The following ADAMTS14 variants were observed in gnomAD, a reference collection of about 807,000 sequenced individuals.
The protein encoded by ADAMTS14 is ADAM metallopeptidase with thrombospondin type 1 motif 14, also known as A disintegrin and metalloproteinase with thrombospondin motifs 14.
In ADAMTS14, 100 loss-of-function variants were observed where a neutral mutation model predicts 128.6. The ratio of observed to expected loss-of-function variants is 0.78; its 90% confidence interval spans 0.66 to 0.92. The LOEUF (loss-of-function observed/expected upper bound fraction) is 0.92, where lower values mean the gene tolerates loss of function less well. ADAMTS14 is among the 40% of genes least tolerant of loss of function. The pLI is 0.00. For synonymous variants in ADAMTS14, 665 were observed against 653.8 expected (o/e 1.02, Z -0.26); for missense variants, 1,562 against 1,658.6 (o/e 0.94, Z 1.01).
chr10:70,687,287 T>C (rs78907115), intron 2 of ADAMTS14, among the ~76,000 whole-genome samples: 1 of 98,850 alleles, frequency 1.0e-5, no homozygotes, highest in Non-Finnish European at 2.2e-5. Flanking sequence ...GGCGTGGGGC[T>C]GACACCCCCA....
chr10:70,688,892 G>C lies in ADAMTS14; in HGVS notation c.523-13420G>C, dbSNP rs777962779. On this transcript the variant is annotated intron_variant, in intron 2 of 21. Transcript: ENST00000373207. ...GGGAGGGGGAGGGGGAGGGGGAGGG[G>C]GAGGGAGAGGGAGAGCCTTTGCTTT... Among the ~76,000 whole-genome samples the C allele has an allele frequency of 3.1e-4, 2 of 6,482 alleles. 1 individual carries two copies. The highest frequency in any genetic ancestry group is 6.6e-4 in the Non-Finnish European group (2 of 3,020). The allele number at this position is 6,482 out of a possible 152,430, so 4.3% of individuals were successfully genotyped here. A position where few individuals can be genotyped will look rare whatever the true frequency, so the allele number is the denominator to read the frequency against.
rs1241621831 is a variant in ADAMTS14, at chr10:70,672,720, C to T, written c.-83C>T. The T allele has an allele frequency of 2.2e-6, 3 of 1,378,660 alleles. No individual in the cohort carries two copies. Among genetic ancestry groups the T allele is most frequent in the East Asian group, 6.2e-5 (2 of 32,246 alleles). 85.4% of individuals were successfully genotyped at this position (1,378,660 alleles called of 1,614,324 possible). A position where few individuals can be genotyped will look rare whatever the true frequency, so the allele number is the denominator to read the frequency against. On this transcript the variant is annotated 5_prime_UTR_variant, in exon 1 of 22. Transcript: ENST00000373207. ...GGCAGCCAGCCGGTGCTCCGACAGC[C>T]CGGGGCGCACCCTAGCCTCGCCGCC...
chr10:70,682,668 G>T (rs1839845478), intron 2 of ADAMTS14, among the ~76,000 whole-genome samples: 1 of 152,194 alleles, frequency 6.6e-6, no homozygotes, highest in African/African-American at 2.4e-5. Flanking sequence ...CTGGTTGGTT[G>T]AGTCTACCAG....
intron 15 of ADAMTS14, among the ~76,000 whole-genome samples, chr10:70,747,262 A>G (rs1315741430): frequency 6.6e-6 from 1 of 152,132 alleles, no homozygotes; most frequent in African/African-American, 2.4e-5. Flanking sequence ...GGGGAAACTG[A>G]AACCCAAAGT....
Position 70,753,660 on chromosome 10 carries a change from A to T in ADAMTS14, c.2730-140A>T, listed in dbSNP as rs1277907596. On this transcript the variant is annotated intron_variant, in intron 18 of 21. Coordinates refer to ENST00000373207, the MANE Select transcript of ADAMTS14 (RefSeq NM_080722.4). The stretch of plus-strand genomic sequence containing the variant: ...ACCCAGTAGCTGCAGAGCCAGGTGG[A>T]CAGTTGTCCTAGGCCTCAAACATTC... 3 of 838,240 alleles carry T rather than the reference A, an allele frequency of 3.6e-6. No individual in the cohort carries two copies. In the Admixed American group the frequency reaches 9.0e-5, roughly 25 times the overall value. 51.9% of individuals were successfully genotyped at this position (838,240 alleles called of 1,614,324 possible). A position where few individuals can be genotyped will look rare whatever the true frequency, so the allele number is the denominator to read the frequency against.
intron 3 of ADAMTS14, among the ~76,000 whole-genome samples, chr10:70,705,044 C>CTCATGCT (rs1381926333): frequency 6.6e-6 from 1 of 152,204 alleles, no homozygotes; most frequent in Non-Finnish European, 1.5e-5. Context: ...CTCAAACACA[C>CTCATGCT]TCATACACAC....
In ADAMTS14 at chr10:70,738,986, C is replaced by G. The variant is rs1841914444; in HGVS notation, c.1744C>G (p.Pro582Ala). 1.2e-6 allele frequency: 2 copies of G among 1,607,206 alleles called. No individual in the cohort carries two copies. The highest frequency in any genetic ancestry group is 1.7e-6 in the Non-Finnish European group (2 of 1,176,390). The change falls in exon 11 of 22, where the codon CCC becomes GCC. Residue 582 changes from proline (P) to alanine (A), a missense_variant. Pro to Ala is a conservative substitution (Grantham distance 27). Coordinates refer to ENST00000373207, the MANE Select transcript of ADAMTS14 (RefSeq NM_080722.4). The part of the protein sequence containing the change: ...VRSRSRSCNN[P>A]SPAYGGRLCL... ...ATCCCGCAGCCGGAGCTGCAACAAC[C>G]CCTCGTGAGTGTGCTTGGCTAGGGT...
At chr10:70,739,198 C>G (rs74139901) in intron 11 of ADAMTS14, among the ~76,000 whole-genome samples, 1 of 152,092 alleles carries the variant, frequency 6.6e-6, no homozygotes, top group African/African-American at 2.4e-5. Context: ...GCCTTCTGTG[C>G]GTTTGTCTGA....
chr10:70,718,571 T>C (rs142039571), intron 4 of ADAMTS14, among the ~76,000 whole-genome samples: 1 of 151,744 alleles, frequency 6.6e-6, no homozygotes, highest in South Asian at 2.1e-4. Context: ...TTTTTAGTAG[T>C]GATGGGGATT....
intron 17 of ADAMTS14, 93 bp downstream of exon 17, chr10:70,751,739 G>A: frequency 6.8e-7 from 1 of 1,478,626 alleles, no homozygotes; most frequent in Non-Finnish European, 9.3e-7. Context: ...TCCATTTGAT[G>A]TGTCCTTGCT....
chr10:70,712,726 C>CGATAA (rs1840900888), intron 4 of ADAMTS14, among the ~76,000 whole-genome samples: 1 of 152,132 alleles, frequency 6.6e-6, no homozygotes, highest in African/African-American at 2.4e-5. Flanking sequence ...CATCCGATTC[C>CGATAA]GATAAGGGGG....
At chr10:70,728,657 G>A (rs2587479) in intron 4 of ADAMTS14, among the ~76,000 whole-genome samples, 152,349 of 152,392 alleles carry the variant, frequency 1, 76,153 homozygotes, top group Middle Eastern at 1. Context: ...GAGAAAAAGG[G>A]ATTATCTAGA....
chr10:70,697,043 C>A (rs1036765678), intron 2 of ADAMTS14, among the ~76,000 whole-genome samples: 1 of 152,106 alleles, frequency 6.6e-6, no homozygotes, highest in Non-Finnish European at 1.5e-5. Context: ...CAAGGGGTGT[C>A]GGTGGAAATA....
intron 2 of ADAMTS14, among the ~76,000 whole-genome samples, chr10:70,684,219 A>T (rs769911340): frequency 6.6e-6 from 1 of 152,088 alleles, no homozygotes; most frequent in Non-Finnish European, 1.5e-5. Flanking sequence ...CAGTGCCAAG[A>T]AGATAGTGCT....
rs574438450 is a variant in ADAMTS14 at position 70,713,045 on chromosome 10, G to A, written c.870+4267G>A. Among the ~76,000 whole-genome samples, 229 of 152,304 alleles carry A rather than the reference G, an allele frequency of 1.5e-3. 1 individual carries two copies. The highest frequency in any genetic ancestry group is 5.2e-3 in the African/African-American group (217 of 41,554). On this transcript the variant is annotated intron_variant, in intron 4 of 21. Transcript: ENST00000373207. ...GTGCCCAGGGCAGTGGCGGGGGTGA[G>A]TTTTCTGAGGGGGACCACAAAGTTG...
At chr10:70,716,672 C>T (rs1042578670) in intron 4 of ADAMTS14, among the ~76,000 whole-genome samples, 29 of 152,208 alleles carry the variant, frequency 1.9e-4, no homozygotes, top group African/African-American at 7.0e-4. Flanking sequence ...GAACACCTGT[C>T]TGCTGTGACC....
chr10:70,726,497 G>T (rs944579720), intron 4 of ADAMTS14, among the ~76,000 whole-genome samples: 4 of 152,190 alleles, frequency 2.6e-5, no homozygotes, highest in Non-Finnish European at 4.4e-5. Context: ...GATAACTGAT[G>T]GGTTTACATG....
chr10:70,708,861 C>A, intron 4 of ADAMTS14, 83 bp downstream of exon 4: 2 of 1,103,644 alleles, frequency 1.8e-6, no homozygotes, highest in Non-Finnish European at 2.4e-6. Flanking sequence ...AGTGCTGATC[C>A]AAGTGGAAGT....
intron 15 of ADAMTS14, among the ~76,000 whole-genome samples, chr10:70,748,898 G>T (rs1842263994): frequency 6.6e-6 from 1 of 152,204 alleles, no homozygotes; most frequent in South Asian, 2.1e-4. Flanking sequence ...AGGAAGTCCA[G>T]GGTGGCCAAA....
Sources: gnomAD v4.1 joint callset for allele counts (sites outside exome capture counted in the v4.1 genomes callset) on GRCh38, gnomAD v4.1.1 for gene constraint, MANE v1.5 for transcripts, NCBI Gene and HGNC (gene_info 2026-07-23, HGNC 2026-07-21) for gene names.